Variants in CPXM2 observed in about 807,000 individuals in gnomAD.
The protein encoded by CPXM2 is inactive carboxypeptidase-like protein X2.
In CPXM2, 66 loss-of-function variants were observed where a neutral mutation model predicts 86.1. That is an observed-to-expected ratio of 0.77 (90% CI 0.63 to 0.94). The LOEUF is 0.94. CPXM2 is among the 40% of genes least tolerant of loss of function. The pLI is 0.00. For synonymous variants in CPXM2, 388 were observed against 400.2 expected, an observed-to-expected ratio of 0.97 and a Z score of 0.36; for missense variants, 948 against 1,026.3, an observed-to-expected ratio of 0.92 and a Z score of 1.04.
In CPXM2 at chr10:123,937,427, C is replaced by T. The variant is rs367831388; in HGVS notation, n.174+2050G>A. Among the ~76,000 whole-genome samples, 443 of 151,460 alleles carry T rather than the reference C, an allele frequency of 2.9e-3. 22 individuals are homozygous for T. The South Asian group carries it at 0.087, about 30-fold the overall frequency. On this transcript the variant is annotated intron_variant and non_coding_transcript_variant, in intron 2 of 19. Coordinates refer to the CPXM2 transcript ENST00000368854. ...CCCCAAATGTCCATCAGCCAACAGG[C>T]ATCCCCAGCTTTCAGTCTGTTAGAA...
At chr10:123,875,425 T>G (rs1288356680) in intron 2 of CPXM2, among the ~76,000 whole-genome samples, 1 of 152,180 alleles carries the variant, frequency 6.6e-6, no homozygotes, top group Non-Finnish European at 1.5e-5. Context: ...AATACAGGCA[T>G]GGCAGTTTAT....
At chr10:123,922,430 C>T (rs1182403673) in intron 2 of CPXM2, among the ~76,000 whole-genome samples, 1 of 151,984 alleles carries the variant, frequency 6.6e-6, no homozygotes, top group East Asian at 1.9e-4. Context: ...TGCAATTTTG[C>T]CCTTCTAAAA....
chr10:123,822,724 A>AAATAATAATAAT (rs10603506), intron 4 of CPXM2, among the ~76,000 whole-genome samples: 71 of 150,022 alleles, frequency 4.7e-4, no homozygotes, highest in African/African-American at 1.6e-3. Context: ...ATGGACCTGA[A>AAATAATAATAAT]AATAATAATA....
chr10:123,926,641 G>C (rs1439209367), intron 2 of CPXM2, among the ~76,000 whole-genome samples: 1 of 152,204 alleles, frequency 6.6e-6, no homozygotes, highest in Admixed American at 6.5e-5. Flanking sequence ...GATACATCCA[G>C]AAAATCTGTC....
intron 13 of CPXM2, chr10:123,750,535 C>G (rs1350274196): frequency 1.0e-6 from 1 of 985,062 alleles, no homozygotes; most frequent in Non-Finnish European, 1.2e-6. Flanking sequence ...GTAAATATCA[C>G]TTAATTTATT....
intron 2 of CPXM2, among the ~76,000 whole-genome samples, chr10:123,926,452 C>T (rs997324615): frequency 1.5e-4 from 23 of 152,214 alleles, no homozygotes; most frequent in Non-Finnish European, 2.8e-4. Context: ...GAACTGAACT[C>T]GCCTGACAAA....
intron 1 of CPXM2, among the ~76,000 whole-genome samples, chr10:123,880,981 C>T (rs2134232935): frequency 6.6e-6 from 1 of 151,818 alleles, no homozygotes; most frequent in African/African-American, 2.4e-5. Context: ...CCCTGCTGGG[C>T]TTCTCCAACC....
chr10:123,934,698 GCT>G (rs1945698702), intron 2 of CPXM2, among the ~76,000 whole-genome samples: 1 of 152,154 alleles, frequency 6.6e-6, no homozygotes, highest in South Asian at 2.1e-4. Flanking sequence ...TGATGGGGAA[GCT>G]CTGTGTTCAC....
intron 3 of CPXM2, among the ~76,000 whole-genome samples, chr10:123,850,015 T>C (rs534591361): frequency 1.3e-4 from 20 of 152,348 alleles, no homozygotes; most frequent in African/African-American, 3.8e-4. Context: ...AAACTTTATA[T>C]AAATGAAACC....
At chr10:123,931,653 T>C (rs1055744074) in intron 2 of CPXM2, 2 of 152,310 alleles carry the variant, frequency 1.3e-5, no homozygotes, top group African/African-American at 4.8e-5. Flanking sequence ...AATGGATAAG[T>C]TGAACTTCAT....
At chr10:123,825,694 T>C (rs1848030983) in intron 4 of CPXM2, among the ~76,000 whole-genome samples, 1 of 152,072 alleles carries the variant, frequency 6.6e-6, no homozygotes, top group Non-Finnish European at 1.5e-5. Context: ...CACCTTTTGT[T>C]AAAAAAAGAG....
At chr10:123,822,181 A>C (rs778371031) in intron 4 of CPXM2, among the ~76,000 whole-genome samples, 5 of 152,220 alleles carry the variant, frequency 3.3e-5, no homozygotes, top group Non-Finnish European at 5.9e-5. Context: ...GGTTTCTCCA[A>C]AGTATCTGAA....
chr10:123,771,101 C>T (rs1846619280), intron 7 of CPXM2, 62 bp from the exon 8 acceptor site: 2 of 1,544,040 alleles, frequency 1.3e-6, no homozygotes, highest in South Asian at 2.4e-5. Context: ...AAGGACAGAG[C>T]TCCCAAGAAA....
intron 1 of CPXM2, among the ~76,000 whole-genome samples, chr10:123,880,539 G>A (rs149277262): frequency 3.7e-3 from 570 of 152,226 alleles, no homozygotes; most frequent in African/African-American, 0.013. Flanking sequence ...ACACCTGCAC[G>A]TTGTTACTAT....
intron 3 of CPXM2, among the ~76,000 whole-genome samples, chr10:123,846,241 G>A (rs550159616): frequency 1.6e-4 from 25 of 152,230 alleles, no homozygotes; most frequent in African/African-American, 5.3e-4. Context: ...TTACCATAAC[G>A]TAGAATCAAT....
intron 2 of CPXM2, among the ~76,000 whole-genome samples, chr10:123,920,368 T>C (rs1945570427): frequency 6.6e-6 from 1 of 152,176 alleles, no homozygotes; most frequent in African/African-American, 2.4e-5. Flanking sequence ...TAGTTATAAA[T>C]TTAAAAACAG....
At chr10:123,932,897 G>A (rs373914971) in intron 2 of CPXM2, among the ~76,000 whole-genome samples, 2 of 152,168 alleles carry the variant, frequency 1.3e-5, no homozygotes, top group East Asian at 1.9e-4. Flanking sequence ...GGACTCACAT[G>A]GGGGAGAGCT....
intron 2 of CPXM2, among the ~76,000 whole-genome samples, chr10:123,911,180 C>G (rs1005611153): frequency 6.6e-6 from 1 of 152,202 alleles, no homozygotes; most frequent in African/African-American, 2.4e-5. Context: ...CAAAATTCAA[C>G]CCATACAGAC....
chr10:123,822,545 C>T (rs912941829), intron 4 of CPXM2, among the ~76,000 whole-genome samples: 1 of 151,398 alleles, frequency 6.6e-6, no homozygotes, highest in Non-Finnish European at 1.5e-5. Flanking sequence ...TGAGGGCTAG[C>T]TTAATCTAGG....
Sources: allele counts gnomAD v4.1 joint callset (sites outside exome capture counted in the v4.1 genomes callset), GRCh38; gene constraint gnomAD v4.1.1; transcripts MANE v1.5; gene names NCBI Gene and HGNC (gene_info 2026-07-23, HGNC 2026-07-21).